Variants in PRDM15 observed in about 807,000 individuals in gnomAD.
PRDM15 encodes PR/SET domain 15, also known as PR domain zinc finger protein 15.
Under a neutral mutation model 128.6 loss-of-function variants are expected in PRDM15, and 64 were observed. That is an observed-to-expected ratio of 0.50 (90% CI 0.41 to 0.61). The LOEUF is 0.61. PRDM15 is among the 20% of genes least tolerant of loss of function. PRDM15 has a pLI of 0.00. For synonymous variants in PRDM15, 615 were observed against 621.8 expected (o/e 0.99, Z 0.16); for missense variants, 1,242 against 1,569.1 (o/e 0.79, Z 3.52).
At chr21:41,871,572 G>C in intron 1 of PRDM15, 1 of 1,612,338 alleles carries the variant, frequency 6.2e-7, no homozygotes, top group Non-Finnish European at 8.5e-7. Context: ...TCATTCCCTA[G>C]AGATGTTTCC....
chr21:41,874,525 A>ATATTT, intron 1 of PRDM15, among the ~76,000 whole-genome samples: 286 of 95,792 alleles, frequency 3.0e-3, no homozygotes, highest in East Asian at 5.2e-3. Flanking sequence ...ATATATATAT[A>ATATTT]TTTTTTTTTT....
intron 6 of PRDM15, among the ~76,000 whole-genome samples, chr21:41,842,781 G>A (rs1250343413): frequency 2.8e-5 from 4 of 141,752 alleles, no homozygotes; most frequent in Non-Finnish European, 6.1e-5. Flanking sequence ...GAGCCACTAC[G>A]CCTGGCCTTT....
At chr21:41,867,599 C>T (rs1844040003) in intron 1 of PRDM15, among the ~76,000 whole-genome samples, 1 of 152,156 alleles carries the variant, frequency 6.6e-6, no homozygotes, top group African/African-American at 2.4e-5. Context: ...TTGTGCCCAG[C>T]TTGAAAAACC....
At chr21:41,835,961 C>CA in intron 10 of PRDM15, 152 bp downstream of exon 10, 4 of 349,570 alleles carry the variant, frequency 1.1e-5, no homozygotes, top group Middle Eastern at 7.9e-4. Context: ...CCCTCCCCCA[C>CA]AGCCCCCGCC....
chr21:41,861,839 G>C, intron 1 of PRDM15: 1 of 1,576,496 alleles, frequency 6.3e-7, no homozygotes, highest in South Asian at 1.1e-5. Flanking sequence ...GTTCCAATTT[G>C]CCCTTAAAAT....
chr21:41,866,716 T>C (rs1175601753), intron 1 of PRDM15, among the ~76,000 whole-genome samples: 1 of 152,190 alleles, frequency 6.6e-6, no homozygotes, highest in Admixed American at 6.5e-5. Context: ...ACACCTAACA[T>C]GGCCAGCTGG....
chr21:41,821,757 T>C lies in PRDM15; in HGVS notation c.1896+146A>G. The C allele has an allele frequency of 2.1e-6, 2 of 948,624 alleles. No homozygotes were observed. Among genetic ancestry groups the C allele is most frequent in the Non-Finnish European group, 3.2e-6 (2 of 625,136 alleles). The allele number at this position is 948,624 out of a possible 1,614,324, so 58.8% of individuals were successfully genotyped here. A position where few individuals can be genotyped will look rare whatever the true frequency, so the allele number is the denominator to read the frequency against. ...ACAAGTGATGGACAGGCACCCAGTC[T>C]GCAGTAGGACCACTGGCCGGAGCCT... On this transcript the variant is annotated intron_variant, in intron 15 of 23. Transcript: ENST00000398548. The surrounding 1 kb of genome is among the most constrained non-coding windows in gnomAD (Gnocchi z 5.4).
chr21:41,872,972 A>G (rs1316400251), intron 1 of PRDM15, among the ~76,000 whole-genome samples: 7 of 152,186 alleles, frequency 4.6e-5, no homozygotes, highest in Non-Finnish European at 2.9e-5. Context: ...TGGTGGTGGT[A>G]GGAGGGAAAG....
At chr21:41,874,525 A>ATATATATATATATTTTT in intron 1 of PRDM15, among the ~76,000 whole-genome samples, 2 of 95,812 alleles carry the variant, frequency 2.1e-5, no homozygotes, top group Non-Finnish European at 2.0e-5. Context: ...ATATATATAT[A>ATATATATATATATTTTT]TTTTTTTTTT....
chr21:41,813,104 A>C (rs1460051918), intron 19 of PRDM15: 2 of 152,130 alleles, frequency 1.3e-5, no homozygotes, highest in African/African-American at 4.8e-5. Flanking sequence ...CACCCCAAAA[A>C]CTGATGGGGA....
chr21:41,874,612 G>A (rs374017838), intron 1 of PRDM15: 5 of 147,008 alleles, frequency 3.4e-5, no homozygotes, highest in African/African-American at 2.5e-5. Context: ...AGCAGACTCT[G>A]GTCCAGTGAG....
At position 41,832,111 on chromosome 21, in the gene PRDM15, T is replaced by G. The variant is rs1311282803; in HGVS notation, c.1366+3326A>C. On this transcript the variant is annotated intron_variant, in intron 11 of 23. Transcript: ENST00000398548. The surrounding 1 kb of genome is among the most constrained non-coding windows in gnomAD (Gnocchi z 4.2). The stretch of plus-strand genomic sequence containing the variant: ...AGTGCTGGACGTTTTCATGATCACT[T>G]TAATGGCTACGTGATATTCCATCCA... 6.6e-6 allele frequency among the ~76,000 whole-genome samples: 1 copy of G among 152,226 alleles called. No individual in the cohort carries two copies. The highest frequency in any genetic ancestry group is 1.5e-5 in the Non-Finnish European group (1 of 68,038).
intron 1 of PRDM15, chr21:41,878,594 C>G: frequency 1.6e-6 from 1 of 618,490 alleles, no homozygotes; most frequent in Non-Finnish European, 2.5e-6. Flanking sequence ...CCACCCACCC[C>G]GGGTAGGCAC....
chr21:41,806,078 TCACCAC>T (rs1357878564), intron 21 of PRDM15, among the ~76,000 whole-genome samples: 12 of 5,552 alleles, frequency 2.2e-3, no homozygotes, highest in African/African-American at 0.013. Flanking sequence ...ACCACCACCA[TCACCAC>T]CACCACCATC....
rs554270220 is a variant in PRDM15, at chr21:41,825,604, C to G, written c.1629+356G>C. Among the ~76,000 whole-genome samples, 21 of 152,360 alleles carry G rather than the reference C, an allele frequency of 1.4e-4. 1 individual carries two copies. Among genetic ancestry groups the G allele is most frequent in the Admixed American group, 9.1e-4 (14 of 15,308 alleles). ...AAAATAAAGCCACTGGGTCCCCCTG[C>G]GTCCTCATTCATTGTGCCCCAGTCC... On this transcript the variant is annotated intron_variant, in intron 13 of 23. Transcript: ENST00000398548.
chr21:41,867,270 G>C (rs2064042809), intron 1 of PRDM15: 3 of 1,557,680 alleles, frequency 1.9e-6, no homozygotes, highest in Non-Finnish European at 1.8e-6. Context: ...AAGGAGTTAA[G>C]ATGCAACTCC....
At chr21:41,813,251 G>A (rs2061925524) in intron 19 of PRDM15, 1 of 152,358 alleles carries the variant, frequency 6.6e-6, no homozygotes, top group African/African-American at 2.4e-5. Context: ...AGCCCAGCGA[G>A]TTGGTGGGCG....
intron 14 of PRDM15, among the ~76,000 whole-genome samples, chr21:41,823,029 C>CAA (rs33972733): frequency 0.042 from 3,781 of 89,744 alleles, 84 homozygotes; most frequent in Middle Eastern, 0.14. Flanking sequence ...GACTCCGTCT[C>CAA]AAAAAAAAAA....
At chr21:41,802,157 TGAG>T (rs1177530008) in intron 23 of PRDM15, among the ~76,000 whole-genome samples, 1 of 152,010 alleles carries the variant, frequency 6.6e-6, no homozygotes, top group Non-Finnish European at 1.5e-5. Context: ...GCCAAATAAA[TGAG>T]GAACTTTTGC....
Sources: gnomAD v4.1 joint callset for allele counts (sites outside exome capture counted in the v4.1 genomes callset) on GRCh38, gnomAD v4.1.1 for gene constraint, Gnocchi (gnomAD v3.1) non-coding constraint, MANE v1.5 for transcripts, NCBI Gene and HGNC (gene_info 2026-07-23, HGNC 2026-07-21) for gene names.